CACHD1: variants seen among roughly 807,000 people sequenced by gnomAD.
CACHD1 encodes the protein VWFA and cache domain-containing protein 1.
CACHD1 carries 71 observed loss-of-function variants against 138.7 expected under a neutral mutation model. The observed-to-expected ratio is 0.51, with a 90% CI of 0.42 to 0.62. The LOEUF (loss-of-function observed/expected upper bound fraction) is 0.62, where lower values mean the gene tolerates loss of function less well. Ranked by LOEUF, CACHD1 falls within the 20% of genes least tolerant of loss-of-function variation. The pLI, the probability that CACHD1 is intolerant of heterozygous loss-of-function variation, is 0.00. For synonymous variants in CACHD1, 578 were observed against 591.5 expected (o/e 0.98, Z 0.33); for missense variants, 1,389 against 1,625.3 (o/e 0.85, Z 2.50).
At position 64,666,058 on chromosome 1, in the gene CACHD1, T is replaced by C; in HGVS notation, c.2278T>C (p.Tyr760His). 6.4e-7 allele frequency: 1 copy of C among 1,552,074 alleles called. No individual in the cohort carries two copies. The highest frequency in any genetic ancestry group is 2.2e-5 in the East Asian group (1 of 44,544). The change falls in exon 16 of 27, where the codon TAT becomes CAT. Residue 760 changes from tyrosine (Y) to histidine (H), a missense_variant and splice_region_variant. Transcript: ENST00000651257. Reference protein sequence around the residue: ...KAFDPTRRQWYLHAVANPGLI... With the variant: ...KAFDPTRRQWHLHAVANPGLI... ...ATGACTTTCTTTGGTCTCCATTAGG[T>C]ATCTCCATGCAGTAGCTAATCCAGG... is the stretch of plus-strand genomic sequence containing the variant.
intron 1 of CACHD1, among the ~76,000 whole-genome samples, chr1:64,480,960 A>G (rs1646207679): frequency 6.6e-6 from 1 of 151,674 alleles, no homozygotes; most frequent in South Asian, 2.1e-4. Flanking sequence ...TTGATGATGG[A>G]ACAAACTAAA....
At chr1:64,549,822 C>T (rs1020071745) in intron 1 of CACHD1, among the ~76,000 whole-genome samples, 1 of 149,614 alleles carries the variant, frequency 6.7e-6, no homozygotes, top group African/African-American at 2.4e-5. Flanking sequence ...GCTCCTCTAG[C>T]AGATACATAA....
intron 4 of CACHD1, 109 bp downstream of exon 4, chr1:64,603,021 T>C (rs1647241199): frequency 1.6e-6 from 1 of 614,242 alleles, no homozygotes; most frequent in African/African-American, 2.0e-5. Flanking sequence ...AAGTATTATA[T>C]ACTTAAGATT....
intron 1 of CACHD1, among the ~76,000 whole-genome samples, chr1:64,549,653 A>C (rs1570356880): frequency 6.6e-6 from 1 of 152,148 alleles, no homozygotes; most frequent in African/African-American, 2.4e-5. Context: ...GCTGTCCCAG[A>C]TGCTGACAAA....
chr1:64,638,340 G>T (rs535994230), intron 7 of CACHD1, among the ~76,000 whole-genome samples: 1 of 152,190 alleles, frequency 6.6e-6, no homozygotes, highest in Non-Finnish European at 1.5e-5. Context: ...GACGATTGTT[G>T]TAAGGGTTAG....
intron 4 of CACHD1, among the ~76,000 whole-genome samples, chr1:64,617,726 C>G (rs1647762613): frequency 6.6e-6 from 1 of 152,148 alleles, no homozygotes; most frequent in Non-Finnish European, 1.5e-5. Context: ...ATGTCCCATT[C>G]AGGTCACAGG....
intron 2 of CACHD1, among the ~76,000 whole-genome samples, chr1:64,571,769 A>G (rs1382531156): frequency 6.6e-6 from 1 of 152,190 alleles, no homozygotes; most frequent in Non-Finnish European, 1.5e-5. Context: ...TCATTTATGC[A>G]GCAAACATTT....
chr1:64,671,359 C>T (rs985415729), intron 16 of CACHD1, among the ~76,000 whole-genome samples: 3 of 152,130 alleles, frequency 2.0e-5, no homozygotes, highest in Admixed American at 6.6e-5. Context: ...TACAGTCCTA[C>T]ATTAAGTCTT....
chr1:64,578,106 T>C (rs1383410945), intron 2 of CACHD1, among the ~76,000 whole-genome samples: 1 of 152,224 alleles, frequency 6.6e-6, no homozygotes, highest in Non-Finnish European at 1.5e-5. Context: ...CCTGTGTGAT[T>C]TGTCATATTT....
intron 16 of CACHD1, among the ~76,000 whole-genome samples, chr1:64,669,663 T>C (rs1400136600): frequency 6.6e-6 from 1 of 151,486 alleles, no homozygotes; most frequent in Non-Finnish European, 1.5e-5. Context: ...GCCTGGTCTG[T>C]TGTACTTAGA....
chr1:64,493,520 A>G (rs305561), intron 1 of CACHD1, among the ~76,000 whole-genome samples: 146,164 of 152,332 alleles, frequency 0.96, 70,152 homozygotes, highest in African/African-American at 0.99. Flanking sequence ...ATAGGGAACT[A>G]TTATGCCTCT....
At chr1:64,644,473 G>A (rs1648838594) in intron 8 of CACHD1, among the ~76,000 whole-genome samples, 1 of 152,096 alleles carries the variant, frequency 6.6e-6, no homozygotes, top group Admixed American at 6.5e-5. Flanking sequence ...TAGATTTGAA[G>A]GTCTGCCTGG....
At chr1:64,595,532 C>G (rs932142615) in intron 3 of CACHD1, among the ~76,000 whole-genome samples, 1 of 152,142 alleles carries the variant, frequency 6.6e-6, no homozygotes, top group Non-Finnish European at 1.5e-5. Context: ...CAGACCCCAC[C>G]AAGCTGCTCT....
chr1:64,532,325 G>A (rs1377990845), intron 1 of CACHD1, among the ~76,000 whole-genome samples: 1 of 152,104 alleles, frequency 6.6e-6, no homozygotes, highest in Admixed American at 6.6e-5. Context: ...TGAGGACACT[G>A]GGAACAACAA....
intron 4 of CACHD1, among the ~76,000 whole-genome samples, chr1:64,614,781 C>G (rs958272246): frequency 6.6e-6 from 1 of 152,112 alleles, no homozygotes; most frequent in Non-Finnish European, 1.5e-5. Flanking sequence ...TCTTGAATCC[C>G]CTTTCTTTTT....
At chr1:64,566,439 A>G (rs889219451) in intron 2 of CACHD1, among the ~76,000 whole-genome samples, 8 of 139,158 alleles carry the variant, frequency 5.7e-5, no homozygotes, top group African/African-American at 2.0e-4. Context: ...TTTGAAATTC[A>G]AGTGTATTTA....
Position 64,654,618 on chromosome 1 carries a change from C to G in CACHD1, c.1665-68C>G, listed in dbSNP as rs982858092. On this transcript the variant is annotated intron_variant, in intron 11 of 26. Coordinates refer to ENST00000651257, the MANE Select transcript of CACHD1 (RefSeq NM_020925.4). ...GTGGCCATTGACTCAACAGCTTCTT[C>G]CTTGCCTTTAATTAAGTGCTTAATT... 1.0e-5 allele frequency: 12 copies of G among 1,169,070 alleles called. No individual in the cohort carries two copies. In the Admixed American group the frequency reaches 2.1e-4, roughly 21 times the overall value. 72.4% of individuals were successfully genotyped at this position (1,169,070 alleles called of 1,614,324 possible). A position where few individuals can be genotyped will look rare whatever the true frequency, so the allele number is the denominator to read the frequency against.
intron 3 of CACHD1, among the ~76,000 whole-genome samples, chr1:64,595,212 C>T (rs1476512422): frequency 1.3e-5 from 2 of 152,088 alleles, no homozygotes; most frequent in African/African-American, 2.4e-5. Flanking sequence ...GTACTGAATA[C>T]TCAGTATGTG....
chr1:64,587,095 A>G (rs1257146175), intron 3 of CACHD1, among the ~76,000 whole-genome samples: 1 of 152,280 alleles, frequency 6.6e-6, no homozygotes, highest in African/African-American at 2.4e-5. Context: ...GGCCTTATGA[A>G]CATTTTTTTT....
Sources: gnomAD v4.1 joint callset for allele counts (sites outside exome capture counted in the v4.1 genomes callset) on GRCh38, gnomAD v4.1.1 for gene constraint, MANE v1.5 for transcripts, NCBI Gene and HGNC (gene_info 2026-07-23, HGNC 2026-07-21) for gene names.